SCAPER: variants seen among roughly 807,000 people sequenced by gnomAD.
The protein encoded by SCAPER is S phase cyclin A-associated protein in the endoplasmic reticulum.
SCAPER carries 98 observed loss-of-function variants against 182.2 expected under a neutral mutation model. That is an observed-to-expected ratio of 0.54 (90% CI 0.46 to 0.64). The LOEUF (loss-of-function observed/expected upper bound fraction) is 0.64, where lower values mean the gene tolerates loss of function less well. Among genes scored for constraint, SCAPER ranks in the 30% least tolerant of loss-of-function variants. The pLI, the probability that SCAPER is intolerant of heterozygous loss-of-function variation, is 0.00. For missense variants in SCAPER, 1,432 were observed against 1,690.0 expected, an observed-to-expected ratio of 0.85 and a Z score of 2.68; for synonymous variants, 605 against 564.6, an observed-to-expected ratio of 1.07 and a Z score of -1.01.
chr15:76,491,357 T>C (rs2052286122), intron 24 of SCAPER, among the ~76,000 whole-genome samples: 1 of 152,228 alleles, frequency 6.6e-6, no homozygotes, highest in Non-Finnish European at 1.5e-5. Context: ...CAGTTTTGGG[T>C]GATTATGCAT....
chr15:76,507,210 A>AAG (rs1325284064), intron 23 of SCAPER, among the ~76,000 whole-genome samples: 1 of 152,120 alleles, frequency 6.6e-6, no homozygotes, highest in African/African-American at 2.4e-5. Context: ...GCGTTCTTAT[A>AAG]AGAGGAGAAA....
intron 8 of SCAPER, among the ~76,000 whole-genome samples, chr15:76,782,795 G>A (rs1338366262): frequency 6.6e-6 from 1 of 152,020 alleles, no homozygotes; most frequent in Admixed American, 6.6e-5. Flanking sequence ...GGTAAATAAC[G>A]AAATAAAGGC....
intron 5 of SCAPER, among the ~76,000 whole-genome samples, chr15:76,810,553 A>G (rs2404230): frequency 1.9e-5 from 1 of 53,746 alleles, no homozygotes; most frequent in Admixed American, 1.7e-4. Context: ...AAAAAAAACC[A>G]CACACACACA....
chr15:76,360,609 C>T (rs1336334648), intron 29 of SCAPER, among the ~76,000 whole-genome samples: 1 of 152,174 alleles, frequency 6.6e-6, no homozygotes, highest in African/African-American at 2.4e-5. Flanking sequence ...CTCTGCCAGC[C>T]CGGATGAAGA....
intron 22 of SCAPER, among the ~76,000 whole-genome samples, chr15:76,614,569 ACAAT>A (rs1190544084): frequency 1.3e-5 from 2 of 152,236 alleles, no homozygotes; most frequent in Non-Finnish European, 1.5e-5. Flanking sequence ...GCATTTTTAC[ACAAT>A]CAATGAATCA....
chr15:76,673,952 T>TACACACACACACACAC (rs71447120), intron 20 of SCAPER, among the ~76,000 whole-genome samples: 8 of 146,464 alleles, frequency 5.5e-5, no homozygotes, highest in East Asian at 2.0e-4. Context: ...AATTTATCTA[T>TACACACACACACACAC]ACACACACAC....
chr15:76,886,106 A>G (rs1232472041), intron 1 of SCAPER, among the ~76,000 whole-genome samples: 2 of 152,216 alleles, frequency 1.3e-5, no homozygotes, highest in African/African-American at 4.8e-5. Flanking sequence ...AATAATTCAC[A>G]TTCCCACAAA....
chr15:76,696,912 T>C (rs1181253060), intron 20 of SCAPER, among the ~76,000 whole-genome samples: 2 of 152,062 alleles, frequency 1.3e-5, no homozygotes, highest in East Asian at 3.8e-4. Context: ...AGTAGAAAAA[T>C]GTCCCAGTCA....
At chr15:76,667,174 T>C (rs1366174527) in intron 20 of SCAPER, among the ~76,000 whole-genome samples, 1 of 152,162 alleles carries the variant, frequency 6.6e-6, no homozygotes, top group Non-Finnish European at 1.5e-5. Flanking sequence ...AAATTTTCCT[T>C]GTCAAGGTCA....
chr15:76,612,028 C>T (rs370784523), intron 22 of SCAPER, among the ~76,000 whole-genome samples: 6 of 152,066 alleles, frequency 3.9e-5, no homozygotes, highest in East Asian at 1.9e-4. Context: ...CCTTGAAAGC[C>T]GGCACAAGAC....
At chr15:76,436,061 TTTTTG>T (rs373544955) in intron 25 of SCAPER, among the ~76,000 whole-genome samples, 66 of 152,256 alleles carry the variant, frequency 4.3e-4, no homozygotes, top group African/African-American at 1.4e-3. Context: ...TTTGTTGGAT[TTTTTG>T]TTTTGTTTTG....
At chr15:76,545,320 C>T (rs1049216180) in intron 23 of SCAPER, among the ~76,000 whole-genome samples, 6 of 152,254 alleles carry the variant, frequency 3.9e-5, no homozygotes, top group Admixed American at 1.3e-4. Context: ...ATATCTCTGG[C>T]TCATCCTGAA....
At chr15:76,541,221 T>TAA (rs5813842) in intron 23 of SCAPER, among the ~76,000 whole-genome samples, 2 of 144,200 alleles carry the variant, frequency 1.4e-5, no homozygotes, top group Non-Finnish European at 3.2e-5. Flanking sequence ...AATGTTTTAT[T>TAA]AAAAAATATA....
chr15:76,475,333 A>AT (rs71143329), intron 24 of SCAPER, among the ~76,000 whole-genome samples: 82,032 of 149,102 alleles, frequency 0.55, 23,569 homozygotes, highest in Non-Finnish European at 0.65. Flanking sequence ...CTAGCCTTTA[A>AT]TTTTTTTTTT....
At chr15:76,746,089 CAAAAAAT>C (rs1192347097) in intron 15 of SCAPER, among the ~76,000 whole-genome samples, 5 of 152,044 alleles carry the variant, frequency 3.3e-5, no homozygotes, top group Non-Finnish European at 5.9e-5. Context: ...AGAACAGGGA[CAAAAAAT>C]ATAGTGTAAC....
At chr15:76,890,734 G>T (rs1477580569) in intron 1 of SCAPER, among the ~76,000 whole-genome samples, 1 of 152,148 alleles carries the variant, frequency 6.6e-6, no homozygotes, top group African/African-American at 2.4e-5. Context: ...AATTCTACCA[G>T]AGGTACAAAG....
chr15:76,410,729 C>T (rs1454437518), intron 26 of SCAPER, among the ~76,000 whole-genome samples: 2 of 151,904 alleles, frequency 1.3e-5, no homozygotes, highest in African/African-American at 4.8e-5. Flanking sequence ...AAAGTTGATT[C>T]CTTCATATAT....
intron 9 of SCAPER, among the ~76,000 whole-genome samples, chr15:76,773,169 CAG>C (rs1405165079): frequency 6.6e-6 from 1 of 151,826 alleles, no homozygotes; most frequent in Non-Finnish European, 1.5e-5. Context: ...TTAAAAAACT[CAG>C]TATCATTTTT....
chr15:76,626,747 G>A (rs1234973487), intron 21 of SCAPER, among the ~76,000 whole-genome samples: 1 of 152,100 alleles, frequency 6.6e-6, no homozygotes, highest in Non-Finnish European at 1.5e-5. Flanking sequence ...TAATTCTATG[G>A]GGCAGAGTAA....
Sources: gnomAD v4.1 joint callset for allele counts (sites outside exome capture counted in the v4.1 genomes callset) on GRCh38, gnomAD v4.1.1 for gene constraint, MANE v1.5 for transcripts, NCBI Gene and HGNC (gene_info 2026-07-23, HGNC 2026-07-21) for gene names.